The following TAFA5 variants were observed in gnomAD, a reference collection of about 807,000 sequenced individuals.
TAFA5 encodes TAFA chemokine like family member 5.
A neutral mutation model predicts 15.3 loss-of-function variants in TAFA5; 6 were observed. The observed-to-expected ratio is 0.39, with a 90% CI of 0.21 to 0.77. The LOEUF is 0.77. Ranked by LOEUF, TAFA5 falls within the 30% of genes least tolerant of loss-of-function variation. The probability of loss-of-function intolerance (pLI) is 0.41; values close to 1 mark genes in which losing one functional copy is unlikely to be tolerated. For missense variants in TAFA5, 161 were observed against 193.1 expected (o/e 0.83, Z 0.98); for synonymous variants, 103 against 80.7 (o/e 1.28, Z -1.48).
intron 1 of TAFA5, among the ~76,000 whole-genome samples, chr22:48,509,583 T>G (rs1020482920): frequency 6.6e-6 from 1 of 152,156 alleles, no homozygotes; most frequent in African/African-American, 2.4e-5. Flanking sequence ...ATGTGGGGCC[T>G]TTTAACATCC....
At chr22:48,628,990 G>A (rs1480158693) in intron 1 of TAFA5, among the ~76,000 whole-genome samples, 1 of 152,282 alleles carries the variant, frequency 6.6e-6, no homozygotes, top group East Asian at 1.9e-4. Flanking sequence ...GAGTAAAGAG[G>A]AGAGGAGTAA....
intron 1 of TAFA5, among the ~76,000 whole-genome samples, chr22:48,615,300 T>G (rs939157584): frequency 1.3e-5 from 2 of 152,174 alleles, no homozygotes; most frequent in Non-Finnish European, 1.5e-5. Context: ...TATCTGCCCA[T>G]GGTGGCAGCC....
rs1459070240 is a variant in TAFA5 at position 48,560,203 on chromosome 22, G to C, written c.112+70499G>C. ...CCGTTTCTCTAACGGGAGCCTGTCA[G>C]TTTCTGGGCGGGGGTGTGATGTGGC... On this transcript the variant is annotated intron_variant, in intron 1 of 3. Transcript: ENST00000402357. This position sits in a 1 kb window ranked among gnomAD's most constrained non-coding sequence, Gnocchi z 4.2. 6.6e-6 allele frequency among the ~76,000 whole-genome samples: 1 copy of C among 152,246 alleles called. No individual in the cohort carries two copies. The highest frequency in any genetic ancestry group is 2.4e-5 in the African/African-American group (1 of 41,468).
intron 1 of TAFA5, among the ~76,000 whole-genome samples, chr22:48,597,822 C>G (rs1924824513): frequency 6.6e-6 from 1 of 152,178 alleles, no homozygotes; most frequent in Non-Finnish European, 1.5e-5. Context: ...GTGTGGAGAC[C>G]CTGGTGAGGC....
chr22:48,530,252 C>T lies in TAFA5; in HGVS notation c.112+40548C>T, dbSNP rs564784919. On this transcript the variant is annotated intron_variant, in intron 1 of 3. Transcript: ENST00000402357. The surrounding 1 kb of genome is among the most constrained non-coding windows in gnomAD (Gnocchi z 6.0). Reference sequence around the variant, plus strand: ...TCCTCTGCTCCCCTCCTGTGACATCCGAGCATGGTCGTCTGACAAATGGGG... The same window carrying T: ...TCCTCTGCTCCCCTCCTGTGACATCTGAGCATGGTCGTCTGACAAATGGGG... Among the ~76,000 whole-genome samples the T allele has an allele frequency of 2.0e-5, 3 of 152,260 alleles. No homozygotes were observed. The highest frequency in any genetic ancestry group is 2.9e-5 in the Non-Finnish European group (2 of 68,010).
At chr22:48,520,276 G>T (rs1183413705) in intron 1 of TAFA5, among the ~76,000 whole-genome samples, 1 of 152,246 alleles carries the variant, frequency 6.6e-6, no homozygotes, top group Non-Finnish European at 1.5e-5. Context: ...ATTTTGTTAT[G>T]CCGACACAGG....
chr22:48,721,685 C>T (rs369332662), intron 3 of TAFA5, among the ~76,000 whole-genome samples: 1 of 152,164 alleles, frequency 6.6e-6, no homozygotes, highest in East Asian at 1.9e-4. Flanking sequence ...AAAGTAAGAT[C>T]AGGGTGGGGC....
At chr22:48,592,054 C>CG (rs1276371458) in intron 1 of TAFA5, among the ~76,000 whole-genome samples, 5 of 152,142 alleles carry the variant, frequency 3.3e-5, no homozygotes, top group Admixed American at 6.5e-5. Context: ...CGGCAGGAGG[C>CG]GGGGGGTCCC....
intron 1 of TAFA5, among the ~76,000 whole-genome samples, chr22:48,505,026 C>G (rs1920980416): frequency 6.6e-6 from 1 of 152,236 alleles, no homozygotes; most frequent in Non-Finnish European, 1.5e-5. Context: ...GGGACACTGT[C>G]TAGGTGAAGT....
intron 1 of TAFA5, among the ~76,000 whole-genome samples, chr22:48,618,777 G>T (rs1450662006): frequency 6.6e-6 from 1 of 152,202 alleles, no homozygotes; most frequent in Non-Finnish European, 1.5e-5. Flanking sequence ...ATTGAGGATG[G>T]CTGTGCTGGG....
chr22:48,669,473 G>T (rs1569072249), intron 2 of TAFA5, among the ~76,000 whole-genome samples: 1 of 152,262 alleles, frequency 6.6e-6, no homozygotes, highest in Non-Finnish European at 1.5e-5. Flanking sequence ...CCTCAGTAGG[G>T]CTGCATCCCA....
intron 1 of TAFA5, among the ~76,000 whole-genome samples, chr22:48,553,042 C>G (rs1601574590): frequency 6.6e-6 from 1 of 152,316 alleles, no homozygotes. Context: ...CCCGAGAGCC[C>G]ACCCCTCATC....
Position 48,489,587 on chromosome 22 carries a change from G to T in TAFA5, c.-6G>T. On this transcript the variant is annotated 5_prime_UTR_variant, in exon 1 of 4. Transcript: ENST00000402357. This position sits in a 1 kb window ranked among gnomAD's most constrained non-coding sequence, Gnocchi z 5.5. The stretch of plus-strand genomic sequence containing the variant: ...TGCTGCCCCCCGCGCGGGCGCCGCG[G>T]CTTCAATGGCGCCATCGCCCAGGAC... 2.1e-6 allele frequency: 3 copies of T among 1,451,220 alleles called. No individual in the cohort carries two copies. Among genetic ancestry groups the T allele is most frequent in the Non-Finnish European group, 1.8e-6 (2 of 1,093,392 alleles). The allele number at this position is 1,451,220 out of a possible 1,614,324, so 89.9% of individuals were successfully genotyped here.
intron 1 of TAFA5, among the ~76,000 whole-genome samples, chr22:48,644,230 G>A (rs1269703026): frequency 3.3e-5 from 5 of 152,206 alleles, no homozygotes; most frequent in East Asian, 1.9e-4. Flanking sequence ...AGGGGGCCCC[G>A]AGCGGGGGAC....
At chr22:48,511,007 A>G (rs1921190998) in intron 1 of TAFA5, among the ~76,000 whole-genome samples, 1 of 152,226 alleles carries the variant, frequency 6.6e-6, no homozygotes, top group African/African-American at 2.4e-5. Flanking sequence ...CCTGGCCCAC[A>G]TGGATATTGC....
At chr22:48,715,331 G>A (rs1386114300) in intron 3 of TAFA5, among the ~76,000 whole-genome samples, 1 of 152,258 alleles carries the variant, frequency 6.6e-6, no homozygotes, top group Non-Finnish European at 1.5e-5. Context: ...AGGAAGAGGA[G>A]CGAGGAACGT....
intron 1 of TAFA5, among the ~76,000 whole-genome samples, chr22:48,562,590 G>A (rs564807484): frequency 6.6e-6 from 1 of 152,158 alleles, no homozygotes; most frequent in Non-Finnish European, 1.5e-5. Flanking sequence ...GAGGGAGGGG[G>A]GGAATTTAGC....
intron 1 of TAFA5, among the ~76,000 whole-genome samples, chr22:48,512,184 G>A (rs1050536144): frequency 2.6e-5 from 4 of 152,252 alleles, no homozygotes; most frequent in African/African-American, 9.6e-5. Context: ...CAGGCTGCCT[G>A]GTGGGAGGAG....
At chr22:48,620,921 TATTC>T (rs1925797526) in intron 1 of TAFA5, among the ~76,000 whole-genome samples, 1 of 2,476 alleles carries the variant, frequency 4.0e-4, no homozygotes, top group African/African-American at 8.2e-4. Flanking sequence ...CCACCTATCC[TATTC>T]ATCCATCCCC....
Sources: allele counts gnomAD v4.1 joint callset (sites outside exome capture counted in the v4.1 genomes callset), GRCh38; gene constraint gnomAD v4.1.1; non-coding constraint Gnocchi (gnomAD v3.1); transcripts MANE v1.5; gene names NCBI Gene and HGNC (gene_info 2026-07-23, HGNC 2026-07-21).